Variants in ECEL1 observed in about 807,000 individuals in gnomAD.
ECEL1 encodes endothelin-converting enzyme-like 1.
Under a neutral mutation model 101.8 loss-of-function variants are expected in ECEL1, and 87 were observed. The ratio of observed to expected loss-of-function variants is 0.85; its 90% CI spans 0.72 to 1.02. The LOEUF is 1.02. Ranked by LOEUF, ECEL1 falls within the 50% of genes least tolerant of loss-of-function variation. The pLI is 0.00. For synonymous variants in ECEL1, 487 were observed against 468.7 expected, an observed-to-expected ratio of 1.04 and a Z score of -0.50; for missense variants, 1,032 against 1,079.2, an observed-to-expected ratio of 0.96 and a Z score of 0.61.
At chr2:232,480,630 C>A (rs947661766) in intron 16 of ECEL1, 88 bp downstream of exon 16, 35 of 1,531,542 alleles carry the variant, frequency 2.3e-5, no homozygotes, top group Non-Finnish European at 2.8e-5. Context: ...GCTGTCCATG[C>A]GAAGCCTGGG....
At position 232,480,796 on chromosome 2, in the gene ECEL1, C is replaced by T. The variant is rs548842173; in HGVS notation, c.2073G>A (p.Val691=). The T allele has an allele frequency of 2.9e-5, 47 of 1,613,684 alleles. No individual in the cohort carries two copies. Among genetic ancestry groups the T allele is most frequent in the Non-Finnish European group, 3.9e-5 (46 of 1,179,898 alleles). Residue 691 remains valine, a synonymous_variant, in exon 16 of 18, where the codon GTG becomes GTA. Transcript: ENST00000304546. ...GTGGGTGCTCTGGGCCGTGCTCCCG[C>T]ACCCACTTCTGATAGGCCTGGGGAC... The part of the protein sequence containing the change: ...KLAYHAYQKW[V]REHGPEHPLP...
rs369256390 is a variant in ECEL1, at chr2:232,480,350, C to T, written c.2228+49G>A. On this transcript the variant is annotated intron_variant, in intron 17 of 17. Coordinates refer to ENST00000304546, the MANE Select transcript of ECEL1 (RefSeq NM_004826.4). The stretch of plus-strand genomic sequence containing the variant: ...TATTCCTTCCCATGCCCCCTGATCC[C>T]ACCCCAAACACAAGGAGTGGACAAG... 1.9e-6 allele frequency: 3 copies of T among 1,612,426 alleles called. No individual in the cohort carries two copies. The African/African-American group carries it at 4.0e-5, about 22-fold the overall frequency.
chr2:232,481,189 T>G, intron 14 of ECEL1, 33 bp from the exon 15 acceptor site: 1 of 1,551,076 alleles, frequency 6.4e-7, no homozygotes, highest in Non-Finnish European at 8.7e-7. Context: ...GGGGGCTGCT[T>G]GGGGCCCAGC....
rs778929351 is a variant in ECEL1, at chr2:232,484,222, C to A, written c.1186G>T (p.Val396Phe). The A allele has an allele frequency of 6.2e-7, 1 of 1,609,068 alleles. No homozygotes were observed. Reference protein sequence around the residue: ...SQLIRSTPHRVLHNYLVWRVV... With the variant: ...SQLIRSTPHRFLHNYLVWRVV... The stretch of plus-strand genomic sequence containing the variant: ...CGCCACACCAGGTAGTTGTGCAGGA[C>A]CCTGGGGACCAGGTGAAGCCAGTGG... The change falls in exon 7 of 18, where the codon GTC becomes TTC. Residue 396 changes from valine (V) to phenylalanine (F), a missense_variant and splice_region_variant. Val to Phe is a conservative substitution (Grantham distance 50). Coordinates refer to ENST00000304546, the MANE Select transcript of ECEL1 (RefSeq NM_004826.4).
At position 232,484,847 on chromosome 2, in the gene ECEL1, A is replaced by G. The variant is rs770758764; in HGVS notation, c.1013T>C (p.Met338Thr). The change falls in exon 5 of 18, where the codon ATG becomes ACG. Residue 338 changes from methionine to threonine, a missense_variant. Physicochemically the swap from Met to Thr is moderately conservative, Grantham distance 81. Transcript: ENST00000304546. ...CTGCCCCAGCGTCACCTTGTTGTAC[A>G]TGGAGCTGACATCTCGCCGTAGGTC... Reference protein sequence around the residue: ...HDDLRRDVSSMYNKVTLGQLQ... With the variant: ...HDDLRRDVSSTYNKVTLGQLQ... 2.4e-4 allele frequency: 387 copies of G among 1,613,844 alleles called. No individual in the cohort carries two copies. The highest frequency in any genetic ancestry group is 3.2e-4 in the Non-Finnish European group (378 of 1,179,992).
chr2:232,485,424 T>G (rs1372642754), intron 2 of ECEL1, among the ~76,000 whole-genome samples, 157 bp from the exon 3 acceptor site: 1 of 152,194 alleles, frequency 6.6e-6, no homozygotes, highest in Non-Finnish European at 1.5e-5. Flanking sequence ...CCAGACGAGA[T>G]GGCCAAAGCC....
Position 232,483,154 on chromosome 2 carries a change from C to A in ECEL1, c.1532G>T (p.Gly511Val). The A allele has an allele frequency of 6.2e-7, 1 of 1,607,522 alleles. No individual in the cohort carries two copies. The highest frequency in any genetic ancestry group is 8.5e-7 in the Non-Finnish European group (1 of 1,177,598). Residue 511 changes from glycine (G) to valine (V), a missense_variant, in exon 9 of 18, where the codon GGC (glycine) becomes GTC (valine). By Grantham distance (109) the Gly-to-Val change is moderately radical (BLOSUM62 -3). Transcript: ENST00000304546. ...AKLQYMMVMV[G>V]YPDFLLKPDA... ...GGGTTTCAGCAGGAAGTCCGGGTAG[C>A]CGACCATCACCATCATGTACTGGAG...
At position 232,481,978 on chromosome 2, in the gene ECEL1, C is replaced by T. The variant is rs189956471; in HGVS notation, c.1797-129G>A. 85 of 1,216,262 alleles carry T rather than the reference C, an allele frequency of 7.0e-5. 2 individuals are homozygous for T. The highest frequency in any genetic ancestry group is 2.3e-4 in the Middle Eastern group (1 of 4,274). The allele number at this position is 1,216,262 out of a possible 1,614,324, so 75.3% of individuals were successfully genotyped here. A position where few individuals can be genotyped will look rare whatever the true frequency, so the allele number is the denominator to read the frequency against. On this transcript the variant is annotated intron_variant, in intron 12 of 17. Coordinates refer to ENST00000304546, the MANE Select transcript of ECEL1 (RefSeq NM_004826.4). Reference sequence around the variant, plus strand: ...CAGGGAGGCCACAGAGGCATCCGTGCGGTCCAGGGGCACATGTGCCTCAGC... The same window carrying T: ...CAGGGAGGCCACAGAGGCATCCGTGTGGTCCAGGGGCACATGTGCCTCAGC...
chr2:232,481,898 G>A (rs1346506766), intron 12 of ECEL1, 49 bp from the exon 13 acceptor site: 4 of 1,608,566 alleles, frequency 2.5e-6, no homozygotes, highest in Non-Finnish European at 3.4e-6. Context: ...CCCTCTGAGA[G>A]CCCCATGCTG....
In ECEL1 at chr2:232,486,454, A is replaced by G; in HGVS notation, c.200T>C (p.Val67Ala). 6.9e-7 allele frequency: 1 copy of G among 1,448,288 alleles called. No individual in the cohort carries two copies. The highest frequency in any genetic ancestry group is 9.0e-7 in the Non-Finnish European group (1 of 1,111,518). 89.7% of individuals were successfully genotyped at this position (1,448,288 alleles called of 1,614,324 possible). A position where few individuals can be genotyped will look rare whatever the true frequency, so the allele number is the denominator to read the frequency against. Residue 67 changes from valine (V) to alanine (A), a missense_variant, in exon 2 of 18, where the codon GTG (valine) becomes GCG (alanine). Val to Ala is a moderately conservative substitution (Grantham distance 64). Coordinates refer to ENST00000304546, the MANE Select transcript of ECEL1 (RefSeq NM_004826.4). ...AATGGCGCAGAGGCCGGCGGCGAAC[A>G]CCAGCCCCGACAGCAGGCACACCTC... ...RREVCLLSGLVFAAGLCAILA... is the reference protein window; with the variant it reads ...RREVCLLSGLAFAAGLCAILA...
In ECEL1 at chr2:232,486,572, C is replaced by T. The variant is rs1690736277; in HGVS notation, c.82G>A (p.Ala28Thr). The change falls in exon 2 of 18, where the codon GCG (alanine) becomes ACG (threonine). Residue 28 changes from alanine to threonine, a missense_variant. Physicochemically the swap from Ala to Thr is moderately conservative, Grantham distance 58. Coordinates refer to ENST00000304546, the MANE Select transcript of ECEL1 (RefSeq NM_004826.4). Reference protein sequence around the residue: ...KYVSRCGAGGARGASLPPGFP... With the variant: ...KYVSRCGAGGTRGASLPPGFP... ...CCCGGGGGCAGGGAGGCCCCGCGCG[C>T]GCCCCCCGCGCCGCAGCGGCTCACG... 4 of 1,381,638 alleles carry T rather than the reference C, an allele frequency of 2.9e-6. No homozygotes were observed. Among genetic ancestry groups the T allele is most frequent in the East Asian group, 3.1e-5 (1 of 32,554 alleles). 85.6% of individuals were successfully genotyped at this position (1,381,638 alleles called of 1,614,324 possible).
chr2:232,480,061 G>A lies in ECEL1; in HGVS notation c.*92C>T. 2 of 1,282,882 alleles carry A rather than the reference G, an allele frequency of 1.6e-6. No homozygotes were observed. Among genetic ancestry groups the A allele is most frequent in the South Asian group, 2.6e-5 (2 of 76,132 alleles). The allele number at this position is 1,282,882 out of a possible 1,614,324, so 79.5% of individuals were successfully genotyped here. A position where few individuals can be genotyped will look rare whatever the true frequency, so the allele number is the denominator to read the frequency against. The stretch of plus-strand genomic sequence containing the variant: ...GGCTGGAAGGCAGGTGGTGCCCAGA[G>A]CGGGGCTGGCACCGGGTGCATGCCT... On this transcript the variant is annotated 3_prime_UTR_variant, in exon 18 of 18. Transcript: ENST00000304546.
In ECEL1 at chr2:232,484,457, G is replaced by A. The variant is rs750242008; in HGVS notation, c.1184+15C>T. On this transcript the variant is annotated intron_variant, in intron 6 of 17. Coordinates refer to ENST00000304546, the MANE Select transcript of ECEL1 (RefSeq NM_004826.4). ...AGTGACCGCTGGGCAGAAAATGCCA[G>A]ATCTGCAGCCATACCGGTGGGGTGT... 6.2e-7 allele frequency: 1 copy of A among 1,612,682 alleles called. No homozygotes were observed. Among genetic ancestry groups the A allele is most frequent in the East Asian group, 2.2e-5 (1 of 44,846 alleles).
chr2:232,482,735 C>G, intron 10 of ECEL1, 116 bp downstream of exon 10: 1 of 1,504,082 alleles, frequency 6.6e-7, no homozygotes, highest in Non-Finnish European at 9.2e-7. Context: ...ACCCCATGCC[C>G]TGTGCTGGCG....
intron 14 of ECEL1, 116 bp from the exon 15 acceptor site, chr2:232,481,272 G>A: frequency 1.4e-6 from 2 of 1,394,592 alleles, no homozygotes; most frequent in East Asian, 5.0e-5. Flanking sequence ...CCCTTGCCCA[G>A]AGAGTTTGAG....
rs191331240 is a variant in ECEL1 at position 232,486,603 on chromosome 2, G to T, written c.51C>A (p.Val17=). 12,338 of 1,502,442 alleles carry T rather than the reference G, an allele frequency of 8.2e-3. 66 individuals are homozygous for T. Among genetic ancestry groups the T allele is most frequent in the Non-Finnish European group, 9.8e-3 (11,091 of 1,135,080 alleles). The allele number at this position is 1,502,442 out of a possible 1,614,324, so 93.1% of individuals were successfully genotyped here. The change falls in exon 2 of 18, where the codon GTC becomes GTA. Residue 17 remains valine (V), a synonymous_variant. Transcript: ENST00000304546. Reference sequence around the variant, plus strand: ...CCGCGCCGCAGCGGCTCACGTACTTGACCTCTTGGAACTCATCGTAGTGCG... The same window carrying T: ...CCGCGCCGCAGCGGCTCACGTACTTTACCTCTTGGAACTCATCGTAGTGCG... The part of the protein sequence containing the change: ...LTAHYDEFQE[V]KYVSRCGAGG...
In ECEL1 at chr2:232,481,167, G is replaced by C. The variant is rs751142741; in HGVS notation, c.1990-11C>G. The C allele has an allele frequency of 6.4e-7, 1 of 1,560,236 alleles. No homozygotes were observed. Among genetic ancestry groups the C allele is most frequent in the Non-Finnish European group, 8.7e-7 (1 of 1,152,112 alleles). On this transcript the variant is annotated splice_polypyrimidine_tract_variant and intron_variant, in intron 14 of 17. Coordinates refer to ENST00000304546, the MANE Select transcript of ECEL1 (RefSeq NM_004826.4). ...GTGTTTCCCGTTCACCTGCCGGGAA[G>C]GGAAGAGGCCAGGGGGCTGCTTGGG...
At chr2:232,482,756 C>G in intron 10 of ECEL1, 95 bp downstream of exon 10, 3 of 1,531,332 alleles carry the variant, frequency 2.0e-6, no homozygotes, top group Non-Finnish European at 2.7e-6. Context: ...TGTGTGCCCC[C>G]CATATCTGCA....
chr2:232,484,251 T>A (rs1373488774), intron 6 of ECEL1, 28 bp from the exon 7 acceptor site: 1 of 1,598,780 alleles, frequency 6.3e-7, no homozygotes, highest in Non-Finnish European at 8.5e-7. Flanking sequence ...CCAGTGGGTG[T>A]CCAGACGGAC....
Sources: allele counts gnomAD v4.1 joint callset (sites outside exome capture counted in the v4.1 genomes callset), GRCh38; gene constraint gnomAD v4.1.1; transcripts MANE v1.5; gene names NCBI Gene and HGNC (gene_info 2026-07-23, HGNC 2026-07-21).